Variants in SLC35F1 observed in about 807,000 individuals in gnomAD.
SLC35F1 encodes solute carrier family 35 member F1, also known as chromosome 6 open reading frame 169.
In SLC35F1, 14 loss-of-function variants were observed where a neutral mutation model predicts 48.7. The ratio of observed to expected loss-of-function variants is 0.29; its 90% CI spans 0.19 to 0.45. The LOEUF (loss-of-function observed/expected upper bound fraction) is 0.45. SLC35F1 is among the 20% of genes least tolerant of loss of function. The pLI is 1.00. For missense variants in SLC35F1, 404 were observed against 500.0 expected (o/e 0.81, Z 1.83); for synonymous variants, 190 against 202.2 (o/e 0.94, Z 0.51).
At chr6:118,108,031 T>C (rs1311870917) in intron 1 of SLC35F1, among the ~76,000 whole-genome samples, 1 of 152,150 alleles carries the variant, frequency 6.6e-6, no homozygotes, top group African/African-American at 2.4e-5. Flanking sequence ...AGGTGCTTTC[T>C]GAATCATTCC....
At chr6:118,295,792 C>G (rs928254925) in intron 7 of SLC35F1, among the ~76,000 whole-genome samples, 1 of 152,064 alleles carries the variant, frequency 6.6e-6, no homozygotes, top group Non-Finnish European at 1.5e-5. Context: ...TAATACTTAG[C>G]CTTTTATGAC....
chr6:117,941,837 A>G (rs1776237560), intron 1 of SLC35F1, among the ~76,000 whole-genome samples: 1 of 152,186 alleles, frequency 6.6e-6, no homozygotes, highest in African/African-American at 2.4e-5. Context: ...CCGATGTGGG[A>G]TTCCCCATCC....
chr6:118,028,980 A>G (rs1438862414), intron 1 of SLC35F1, among the ~76,000 whole-genome samples: 7 of 152,130 alleles, frequency 4.6e-5, no homozygotes, highest in African/African-American at 1.7e-4. Flanking sequence ...GAAAGAAGAA[A>G]AGTAATACAA....
intron 1 of SLC35F1, among the ~76,000 whole-genome samples, chr6:117,966,034 A>G (rs1476012731): frequency 6.6e-6 from 1 of 151,900 alleles, no homozygotes; most frequent in African/African-American, 2.4e-5. Flanking sequence ...AAGCAGGCCA[A>G]TCAGCACTCT....
At chr6:118,061,671 T>C (rs1772541993) in intron 1 of SLC35F1, among the ~76,000 whole-genome samples, 1 of 152,032 alleles carries the variant, frequency 6.6e-6, no homozygotes, top group African/African-American at 2.4e-5. Context: ...CGTCATAGTT[T>C]AAACCAGCAG....
chr6:118,030,717 C>T (rs1772033061), intron 1 of SLC35F1, among the ~76,000 whole-genome samples: 1 of 152,112 alleles, frequency 6.6e-6, no homozygotes, highest in African/African-American at 2.4e-5. Context: ...GGAGATCTTT[C>T]TGCTAGGGAT....
Position 118,306,790 on chromosome 6 carries a change from T to A in SLC35F1, c.1003-7238T>A, listed in dbSNP as rs563723105. ...TGTGTGAACAAGGATTTCTATCAGT[T>A]CATCAGACCAAGTGAAACTGTCTGT... On this transcript the variant is annotated intron_variant, in intron 7 of 7. Coordinates refer to ENST00000360388, the MANE Select transcript of SLC35F1 (RefSeq NM_001029858.4). 3.9e-5 allele frequency among the ~76,000 whole-genome samples: 6 copies of A among 152,344 alleles called. 1 individual carries two copies. Among genetic ancestry groups the A allele is most frequent in the Admixed American group, 2.0e-4 (3 of 15,302 alleles).
chr6:117,946,698 C>T (rs1776299204), intron 1 of SLC35F1, among the ~76,000 whole-genome samples: 1 of 152,142 alleles, frequency 6.6e-6, no homozygotes. Flanking sequence ...GATACAGTAC[C>T]AAAGAAGGGA....
intron 6 of SLC35F1, among the ~76,000 whole-genome samples, chr6:118,282,144 T>G (rs1328539166): frequency 6.6e-6 from 1 of 152,210 alleles, no homozygotes; most frequent in Non-Finnish European, 1.5e-5. Context: ...TCAGTTCATT[T>G]GTATGATCAT....
intron 1 of SLC35F1, among the ~76,000 whole-genome samples, chr6:118,146,023 T>A (rs1040997518): frequency 1.3e-5 from 2 of 152,130 alleles, no homozygotes; most frequent in African/African-American, 4.8e-5. Flanking sequence ...TGCTGAAGAT[T>A]TGAGGAAGCA....
At chr6:118,210,169 C>T (rs1271815752) in intron 2 of SLC35F1, among the ~76,000 whole-genome samples, 1 of 152,192 alleles carries the variant, frequency 6.6e-6, no homozygotes, top group Admixed American at 6.5e-5. Context: ...GAGAAGGTGG[C>T]AGATTTATAG....
intron 1 of SLC35F1, among the ~76,000 whole-genome samples, chr6:117,946,866 A>C (rs1285361455): frequency 2.6e-5 from 4 of 152,208 alleles, no homozygotes; most frequent in Non-Finnish European, 5.9e-5. Context: ...CAACATGGAA[A>C]GCTGTTAATT....
intron 1 of SLC35F1, among the ~76,000 whole-genome samples, chr6:118,033,110 C>T (rs1382644572): frequency 2.6e-5 from 4 of 152,078 alleles, no homozygotes; most frequent in Non-Finnish European, 5.9e-5. Flanking sequence ...TATATGTTCC[C>T]TCTGGTAGGG....
intron 1 of SLC35F1, among the ~76,000 whole-genome samples, chr6:117,915,848 T>C (rs554245206): frequency 1.3e-5 from 2 of 152,204 alleles, no homozygotes; most frequent in East Asian, 3.9e-4. Context: ...GGAAGAAATG[T>C]GAGTCTAAGT....
At chr6:118,098,266 A>G (rs149586696) in intron 1 of SLC35F1, among the ~76,000 whole-genome samples, 1 of 152,300 alleles carries the variant, frequency 6.6e-6, no homozygotes, top group Non-Finnish European at 1.5e-5. Context: ...AATTAAGACA[A>G]CCTGGGTACA....
chr6:118,173,510 G>A (rs531513455), intron 2 of SLC35F1, among the ~76,000 whole-genome samples: 73 of 152,122 alleles, frequency 4.8e-4, no homozygotes, highest in African/African-American at 1.8e-3. Flanking sequence ...ACATATACCT[G>A]CAAACTCTGT....
At chr6:118,257,258 C>G (rs771267225) in intron 3 of SLC35F1, among the ~76,000 whole-genome samples, 1 of 152,040 alleles carries the variant, frequency 6.6e-6, no homozygotes, top group Non-Finnish European at 1.5e-5. Flanking sequence ...CAGTAGGAGA[C>G]TTTACCACTT....
Position 117,907,610 on chromosome 6 carries a change from A to C in SLC35F1, c.-117A>C, listed in dbSNP as rs897347420. The C allele has an allele frequency of 2.9e-5, 15 of 518,540 alleles. No homozygotes were observed. Among genetic ancestry groups the C allele is most frequent in the African/African-American group, 1.8e-4 (9 of 48,702 alleles). 32.1% of individuals were successfully genotyped at this position (518,540 alleles called of 1,614,324 possible). ...CCCGCCTCACCGCTTCGCAGGCAGC[A>C]CCGCCTCCCGGGCCGCGGCCGCCCG... On this transcript the variant is annotated 5_prime_UTR_variant, in exon 1 of 8. Coordinates refer to ENST00000360388, the MANE Select transcript of SLC35F1 (RefSeq NM_001029858.4).
At chr6:118,279,412 G>A (rs879459100) in intron 6 of SLC35F1, among the ~76,000 whole-genome samples, 1 of 152,144 alleles carries the variant, frequency 6.6e-6, no homozygotes, top group African/African-American at 2.4e-5. Flanking sequence ...TCATTATCTC[G>A]CCCTGACCTA....
Sources: gnomAD v4.1 joint callset for allele counts (sites outside exome capture counted in the v4.1 genomes callset) on GRCh38, gnomAD v4.1.1 for gene constraint, MANE v1.5 for transcripts, NCBI Gene and HGNC (gene_info 2026-07-23, HGNC 2026-07-21) for gene names.